SLC7A14: variants seen among roughly 807,000 people sequenced by gnomAD.
The protein encoded by SLC7A14 is solute carrier family 7 member 14.
In SLC7A14, 37 loss-of-function variants were observed where a neutral mutation model predicts 60.2. The observed-to-expected ratio is 0.61, with a 90% CI of 0.47 to 0.81. The LOEUF is 0.81. Among genes scored for constraint, SLC7A14 ranks in the 30% least tolerant of loss-of-function variants. The pLI is 0.00. For synonymous variants in SLC7A14, 399 were observed against 395.8 expected (o/e 1.01, Z -0.10); for missense variants, 886 against 982.7 (o/e 0.90, Z 1.32).
chr3:170,545,497 C>G (rs1714152121), intron 1 of SLC7A14, among the ~76,000 whole-genome samples: 1 of 152,142 alleles, frequency 6.6e-6, no homozygotes, highest in African/African-American at 2.4e-5. Context: ...GTTTAATTGG[C>G]CAAATTGGAA....
In SLC7A14 at chr3:170,480,928, T is replaced by C; in HGVS notation, c.1354A>G (p.Lys452Glu). The C allele has an allele frequency of 6.2e-7, 1 of 1,613,838 alleles. No individual in the cohort carries two copies. The highest frequency in any genetic ancestry group is 8.5e-7 in the Non-Finnish European group (1 of 1,179,946). The change falls in exon 7 of 8, where the codon AAG (lysine) becomes GAG (glutamate). Residue 452 changes from lysine to glutamate, a missense_variant. Coordinates refer to ENST00000231706, the MANE Select transcript of SLC7A14 (RefSeq NM_020949.3). ...KFLSEEHTKK[K>E]EGILADCEKE... ...TCACAGTCAGCCAGAATGCCCTCCT[T>C]CTTCTTGGTGTGCTCCTCAGACAAG...
intron 2 of SLC7A14, among the ~76,000 whole-genome samples, chr3:170,510,397 A>AT (rs1012760443): frequency 1.5e-4 from 21 of 144,030 alleles, no homozygotes; most frequent in Non-Finnish European, 2.9e-4. Context: ...CAAAAAAAAA[A>AT]AAATAAATAA....
chr3:170,495,933 AT>A (rs1395837676), intron 4 of SLC7A14: 13 of 1,420,926 alleles, frequency 9.1e-6, no homozygotes, highest in Non-Finnish European at 1.1e-5. Flanking sequence ...GCTTGGCAAT[AT>A]GCAGGGGCTG....
Position 170,480,555 on chromosome 3 carries a change from A to G in SLC7A14, c.1727T>C (p.Met576Thr). The G allele has an allele frequency of 6.2e-7, 1 of 1,614,216 alleles. No individual in the cohort carries two copies. Among genetic ancestry groups the G allele is most frequent in the Non-Finnish European group, 8.5e-7 (1 of 1,180,030 alleles). Residue 576 changes from methionine (M) to threonine (T), a missense_variant, in exon 7 of 8, where the codon ATG (methionine) becomes ACG (threonine). Coordinates refer to ENST00000231706, the MANE Select transcript of SLC7A14 (RefSeq NM_020949.3). ...TICVLLLFIL[M>T]FIFCSFIIFG... ...GATGATGAAGGAGCAGAAGATGAAC[A>G]TGAGGATGAAGAGCAGGAGCACGCA...
At chr3:170,474,273 C>T (rs1303419595) in intron 7 of SLC7A14, among the ~76,000 whole-genome samples, 1 of 152,238 alleles carries the variant, frequency 6.6e-6, no homozygotes, top group South Asian at 2.1e-4. Context: ...AGGTAAGCTG[C>T]GCATGCCAGC....
intron 1 of SLC7A14, among the ~76,000 whole-genome samples, chr3:170,528,220 G>A (rs1713568006): frequency 6.6e-6 from 1 of 152,214 alleles, no homozygotes; most frequent in Non-Finnish European, 1.5e-5. Context: ...AAGGAGGTAT[G>A]ACAAAGTATT....
At position 170,498,731 on chromosome 3, in the gene SLC7A14, C is replaced by T; in HGVS notation, c.695G>A (p.Gly232Asp). ...GTATTTCCCATTGATGAAGAAGAGG[C>T]CTGCGATCATGATGAACACCCATAC... ...LAVWVFIMIA[G>D]LFFINGKYWA... The change falls in exon 4 of 8, where the codon GGC becomes GAC. Residue 232 changes from glycine (G) to aspartate (D), a missense_variant. Gly to Asp is a moderately conservative substitution (Grantham distance 94, BLOSUM62 -1). Coordinates refer to ENST00000231706, the MANE Select transcript of SLC7A14 (RefSeq NM_020949.3). The T allele has an allele frequency of 6.2e-7, 1 of 1,614,152 alleles. No homozygotes were observed. Among genetic ancestry groups the T allele is most frequent in the Non-Finnish European group, 8.5e-7 (1 of 1,180,034 alleles).
At chr3:170,526,401 CA>C (rs1274987958) in intron 2 of SLC7A14, among the ~76,000 whole-genome samples, 3 of 139,928 alleles carry the variant, frequency 2.1e-5, no homozygotes, top group Admixed American at 1.5e-4. Context: ...GACTCCATCT[CA>C]AAAAAAGAAG....
intron 1 of SLC7A14, among the ~76,000 whole-genome samples, chr3:170,547,144 C>G (rs1181086407): frequency 6.6e-6 from 1 of 152,202 alleles, no homozygotes; most frequent in Non-Finnish European, 1.5e-5. Context: ...TCCTTCTTCT[C>G]CTTTTCCTCT....
rs1215155709 is a variant in SLC7A14, at chr3:170,463,750, A to G, written c.*3305T>C. 1 of 152,184 alleles carries G rather than the reference A, an allele frequency of 6.6e-6. No homozygotes were observed. Among genetic ancestry groups the G allele is most frequent in the East Asian group, 1.9e-4 (1 of 5,198 alleles). The allele number at this position is 152,184 out of a possible 1,614,324, so 9.4% of individuals were successfully genotyped here. A position where few individuals can be genotyped will look rare whatever the true frequency, so the allele number is the denominator to read the frequency against. ...ACGATATCAATATCTGCCATAGTACATAATAGGCACTCCACAAGTAATTGT... is the reference window on the plus strand; with the variant it reads ...ACGATATCAATATCTGCCATAGTACGTAATAGGCACTCCACAAGTAATTGT... On this transcript the variant is annotated 3_prime_UTR_variant, in exon 8 of 8. Transcript: ENST00000231706.
At chr3:170,475,302 TAAG>T (rs1711578959) in intron 7 of SLC7A14, among the ~76,000 whole-genome samples, 1 of 152,212 alleles carries the variant, frequency 6.6e-6, no homozygotes, top group South Asian at 2.1e-4. Flanking sequence ...AAATGTGTCT[TAAG>T]AAGTTTATCA....
intron 1 of SLC7A14, among the ~76,000 whole-genome samples, chr3:170,546,726 C>T (rs1189998391): frequency 6.6e-6 from 1 of 152,206 alleles, no homozygotes; most frequent in Non-Finnish European, 1.5e-5. Flanking sequence ...GGAGGCCCTT[C>T]ATACTGATGG....
In SLC7A14 at chr3:170,489,912, A is replaced by G. The variant is rs926490216; in HGVS notation, c.760-3544T>C. On this transcript the variant is annotated intron_variant, in intron 4 of 7. Coordinates refer to ENST00000231706, the MANE Select transcript of SLC7A14 (RefSeq NM_020949.3). ...TAAAAACAATTGAACTCATGGACACAGAGAGTAGAAGGATGGTTATCAGAG... is the reference window on the plus strand; with the variant it reads ...TAAAAACAATTGAACTCATGGACACGGAGAGTAGAAGGATGGTTATCAGAG... Among the ~76,000 whole-genome samples, 5 of 150,842 alleles carry G rather than the reference A, an allele frequency of 3.3e-5. 1 individual carries two copies. In the South Asian group the frequency reaches 6.4e-4, roughly 19 times the overall value.
chr3:170,508,368 T>TC (rs1426368807), intron 2 of SLC7A14, among the ~76,000 whole-genome samples: 2 of 152,366 alleles, frequency 1.3e-5, no homozygotes, highest in African/African-American at 4.8e-5. Flanking sequence ...GGAGCGTTGC[T>TC]CAGAGGTTCG....
chr3:170,467,475 G>A (rs1295196734), intron 7 of SLC7A14, 98 bp from the exon 8 acceptor site: 13 of 874,380 alleles, frequency 1.5e-5, no homozygotes, highest in African/African-American at 7.1e-5. Context: ...CAAAGCTGGC[G>A]GGGTGGGGGG....
chr3:170,558,663 A>G (rs1560280254), intron 1 of SLC7A14, among the ~76,000 whole-genome samples: 1 of 152,196 alleles, frequency 6.6e-6, no homozygotes, highest in Non-Finnish European at 1.5e-5. Flanking sequence ...CAGTACTAAG[A>G]CTGTGCAGCT....
chr3:170,530,576 G>A (rs1322531401), intron 1 of SLC7A14, among the ~76,000 whole-genome samples: 1 of 152,224 alleles, frequency 6.6e-6, no homozygotes, highest in Non-Finnish European at 1.5e-5. Flanking sequence ...ATTTAGTGCA[G>A]TGAGAAGCCC....
rs1209318970 is a variant in SLC7A14 at position 170,466,802 on chromosome 3, T to C, written c.*253A>G. 2 of 407,784 alleles carry C rather than the reference T, an allele frequency of 4.9e-6. No homozygotes were observed. The highest frequency in any genetic ancestry group is 9.1e-5 in the East Asian group (2 of 22,072). The allele number at this position is 407,784 out of a possible 1,614,324, so 25.3% of individuals were successfully genotyped here. On this transcript the variant is annotated 3_prime_UTR_variant, in exon 8 of 8. Coordinates refer to ENST00000231706, the MANE Select transcript of SLC7A14 (RefSeq NM_020949.3). ...TCAGCTCTGGTGGTTGCACCTAAGATGGAATTTCATATAGCCTCTTGTTTA... is the reference window on the plus strand; with the variant it reads ...TCAGCTCTGGTGGTTGCACCTAAGACGGAATTTCATATAGCCTCTTGTTTA...
At chr3:170,499,052 C>T (rs372068131) in intron 3 of SLC7A14, among the ~76,000 whole-genome samples, 168 bp from the exon 4 acceptor site, 8 of 151,384 alleles carry the variant, frequency 5.3e-5, no homozygotes, top group Admixed American at 1.3e-4. Context: ...CTGGCTAATA[C>T]GGTGAAACCC....
Sources: allele counts gnomAD v4.1 joint callset (sites outside exome capture counted in the v4.1 genomes callset), GRCh38; gene constraint gnomAD v4.1.1; transcripts MANE v1.5; gene names NCBI Gene and HGNC (gene_info 2026-07-23, HGNC 2026-07-21).